The following SLC9C1 variants were observed in gnomAD, a reference collection of about 807,000 sequenced individuals.
The protein encoded by SLC9C1 is solute carrier family 9 member C1, also known as sodium/hydrogen exchanger 10.
In SLC9C1, 97 loss-of-function variants were observed where a neutral mutation model predicts 140.9. The ratio of observed to expected loss-of-function variants is 0.69; its 90% CI spans 0.58 to 0.82. SLC9C1 has a LOEUF of 0.82. Among genes scored for constraint, SLC9C1 ranks in the 40% least tolerant of loss-of-function variants. SLC9C1 has a pLI of 0.00. For synonymous variants in SLC9C1, 440 were observed against 442.6 expected (o/e 0.99, Z 0.07); for missense variants, 1,340 against 1,389.3 (o/e 0.96, Z 0.56).
At chr3:112,286,008 C>T (rs2080497513) in intron 2 of SLC9C1, among the ~76,000 whole-genome samples, 1 of 152,130 alleles carries the variant, frequency 6.6e-6, no homozygotes, top group Non-Finnish European at 1.5e-5. Context: ...AAGTGATCTG[C>T]CCATCTCAGC....
intron 6 of SLC9C1, among the ~76,000 whole-genome samples, chr3:112,271,483 G>A (rs1196188804): frequency 6.8e-6 from 1 of 148,080 alleles, no homozygotes; most frequent in African/African-American, 2.5e-5. Flanking sequence ...AATAAAAATA[G>A]CTCATTGTCT....
intron 13 of SLC9C1, among the ~76,000 whole-genome samples, chr3:112,227,701 TA>T (rs2108154169): frequency 6.6e-6 from 1 of 152,246 alleles, no homozygotes; most frequent in East Asian, 1.9e-4. Context: ...CTAGAACTGT[TA>T]AACCAATTTA....
chr3:112,237,059 G>A (rs2079006875), intron 12 of SLC9C1, among the ~76,000 whole-genome samples: 1 of 152,162 alleles, frequency 6.6e-6, no homozygotes, highest in Non-Finnish European at 1.5e-5. Context: ...AATGTTGACA[G>A]TGGGGTGTTA....
chr3:112,151,295 C>T (rs1228826243), intron 28 of SLC9C1: 5 of 517,054 alleles, frequency 9.7e-6, no homozygotes, highest in African/African-American at 3.9e-5. Context: ...TCGGACTGTC[C>T]TCCTCATTGT....
At chr3:112,275,604 T>C (rs1400022009) in intron 5 of SLC9C1, among the ~76,000 whole-genome samples, 1 of 152,196 alleles carries the variant, frequency 6.6e-6, no homozygotes, top group Non-Finnish European at 1.5e-5. Flanking sequence ...TGCCATTAAA[T>C]GTGCATGTAG....
chr3:112,269,467 T>G (rs553512709), intron 7 of SLC9C1, among the ~76,000 whole-genome samples: 2 of 152,336 alleles, frequency 1.3e-5, no homozygotes, highest in Non-Finnish European at 2.9e-5. Context: ...GAACAATGTT[T>G]GAAATTTTAT....
At chr3:112,248,467 A>G (rs1490012931) in intron 10 of SLC9C1, among the ~76,000 whole-genome samples, 2 of 152,070 alleles carry the variant, frequency 1.3e-5, no homozygotes, top group Non-Finnish European at 2.9e-5. Context: ...TATGTATTTC[A>G]TTATTTTTGT....
At chr3:112,217,390 G>A in intron 15 of SLC9C1, 52 bp downstream of exon 15, 5 of 1,495,524 alleles carry the variant, frequency 3.3e-6, no homozygotes, top group South Asian at 1.4e-5. Context: ...GAAAAAACAG[G>A]GAATTTCAAG....
At chr3:112,267,308 G>A (rs1445379783) in intron 7 of SLC9C1, among the ~76,000 whole-genome samples, 1 of 151,998 alleles carries the variant, frequency 6.6e-6, no homozygotes, top group African/African-American at 2.4e-5. Flanking sequence ...CGGGCGTGGT[G>A]GCTCACGCCT....
intron 2 of SLC9C1, among the ~76,000 whole-genome samples, chr3:112,284,520 A>G (rs12497979): frequency 1.3e-5 from 2 of 152,070 alleles, no homozygotes; most frequent in East Asian, 1.9e-4. Flanking sequence ...ACAGAAGATA[A>G]AGCTGACTAT....
chr3:112,192,622 T>C (rs1458339013), intron 20 of SLC9C1, among the ~76,000 whole-genome samples: 2 of 152,194 alleles, frequency 1.3e-5, no homozygotes, highest in East Asian at 3.8e-4. Flanking sequence ...GCAGAAATTA[T>C]TTTTTCTGCT....
chr3:112,145,589 CTTTTTTTTTTTTT>C (rs61547345), intron 28 of SLC9C1, among the ~76,000 whole-genome samples: 3 of 28,240 alleles, frequency 1.1e-4, no homozygotes, highest in Admixed American at 1.0e-3. Flanking sequence ...CTGCCCTTGG[CTTTTTTTTTTTTT>C]TTTTTTTTTG....
intron 13 of SLC9C1, among the ~76,000 whole-genome samples, chr3:112,222,853 A>G (rs573974509): frequency 6.6e-6 from 1 of 152,286 alleles, no homozygotes; most frequent in South Asian, 2.1e-4. Flanking sequence ...ATAAATATTA[A>G]TTTATTAATT....
chr3:112,154,860 G>A, intron 27 of SLC9C1, 137 bp downstream of exon 27: 1 of 726,506 alleles, frequency 1.4e-6, no homozygotes, highest in South Asian at 2.0e-5. Context: ...GCTAAAATAA[G>A]TGTTTTACAC....
chr3:112,155,011 T>G lies in SLC9C1; in HGVS notation c.3403A>C (p.Arg1135=). 1 of 1,611,412 alleles carries G rather than the reference T, an allele frequency of 6.2e-7. No individual in the cohort carries two copies. The highest frequency in any genetic ancestry group is 8.5e-7 in the Non-Finnish European group (1 of 1,179,410). ...GTLEEGIQEE[R]NVKEDGAHSA... ...TTTAAATTTACCTCCTTAACATTTC[T>G]TTCTTCTTGAATGCCTTCTTCCAAT... Residue 1135 remains arginine (R), a synonymous_variant, in exon 27 of 29, where the codon AGA becomes CGA. Coordinates refer to ENST00000305815, the MANE Select transcript of SLC9C1 (RefSeq NM_183061.3).
At chr3:112,197,762 T>A (rs2077803430) in intron 20 of SLC9C1, among the ~76,000 whole-genome samples, 1 of 152,166 alleles carries the variant, frequency 6.6e-6, no homozygotes. Context: ...AATAAATTAA[T>A]TTTTGAGCAA....
At chr3:112,256,830 A>G (rs529924185) in intron 10 of SLC9C1, among the ~76,000 whole-genome samples, 54 of 152,244 alleles carry the variant, frequency 3.5e-4, no homozygotes, top group Non-Finnish European at 6.3e-4. Flanking sequence ...GTTGGCCCAA[A>G]TCTCCATCAA....
intron 2 of SLC9C1, among the ~76,000 whole-genome samples, chr3:112,284,356 T>C (rs767670908): frequency 6.6e-6 from 1 of 152,204 alleles, no homozygotes; most frequent in African/African-American, 2.4e-5. Flanking sequence ...GCCAAAGTGA[T>C]AACTTTAGTT....
intron 10 of SLC9C1, among the ~76,000 whole-genome samples, chr3:112,259,188 C>T (rs934685810): frequency 2.0e-5 from 3 of 151,982 alleles, no homozygotes; most frequent in Non-Finnish European, 2.9e-5. Flanking sequence ...AGTAAACTAA[C>T]GCAGGAACAG....
Sources: allele counts gnomAD v4.1 joint callset (sites outside exome capture counted in the v4.1 genomes callset), GRCh38; gene constraint gnomAD v4.1.1; transcripts MANE v1.5; gene names NCBI Gene and HGNC (gene_info 2026-07-23, HGNC 2026-07-21).